Variants in DNMBP observed in about 807,000 individuals in gnomAD.
DNMBP encodes dynamin-binding protein.
Under a neutral mutation model 150.0 loss-of-function variants are expected in DNMBP, and 87 were observed. The observed-to-expected ratio is 0.58, with a 90% CI of 0.49 to 0.69. The LOEUF is 0.69. Ranked by LOEUF, DNMBP falls within the 30% of genes least tolerant of loss-of-function variation. The pLI, the probability that DNMBP is intolerant of heterozygous loss-of-function variation, is 0.00. For synonymous variants in DNMBP, 711 were observed against 750.4 expected (o/e 0.95, Z 0.86); for missense variants, 1,774 against 1,949.0 (o/e 0.91, Z 1.69).
At chr10:99,889,774 T>C (rs1056841956) in intron 11 of DNMBP, among the ~76,000 whole-genome samples, 1 of 152,106 alleles carries the variant, frequency 6.6e-6, no homozygotes, top group Non-Finnish European at 1.5e-5. Flanking sequence ...TTTTAATTCT[T>C]AAAAAACTGT....
intron 4 of DNMBP, among the ~76,000 whole-genome samples, chr10:99,915,698 G>T (rs2039958465): frequency 1.3e-5 from 2 of 152,170 alleles, no homozygotes; most frequent in Non-Finnish European, 2.9e-5. Context: ...CTGGACAACA[G>T]AGTGAGACCC....
chr10:99,957,269 A>T, intron 3 of DNMBP, 64 bp from the exon 4 acceptor site: 3 of 1,404,752 alleles, frequency 2.1e-6, no homozygotes, highest in Non-Finnish European at 2.9e-6. Context: ...TATCACGACT[A>T]ATAGTGCAAC....
intron 4 of DNMBP, among the ~76,000 whole-genome samples, chr10:99,938,755 T>C (rs2040261718): frequency 6.6e-6 from 1 of 152,122 alleles, no homozygotes. Context: ...CATTTTTGAG[T>C]AATAAATCTG....
chr10:99,906,932 AG>A (rs2039833434), intron 6 of DNMBP, among the ~76,000 whole-genome samples: 1 of 152,264 alleles, frequency 6.6e-6, no homozygotes. Flanking sequence ...TATAAGAACT[AG>A]ATGAATGTTT....
rs766722563 is a variant in DNMBP, at chr10:99,971,948, G to A, written c.145+32C>T. 3.8e-6 allele frequency: 6 copies of A among 1,597,734 alleles called. No homozygotes were observed. In the African/African-American group the frequency reaches 8.1e-5, roughly 22 times the overall value. ...TATTTTTAATATGGAAAGAAGTCAG[G>A]GCCTGTGGTCCACTATGAGTCTCTT... On this transcript the variant is annotated intron_variant, in intron 2 of 16. Transcript: ENST00000324109.
chr10:99,987,392 G>A (rs1462154547), intron 1 of DNMBP, among the ~76,000 whole-genome samples: 1 of 152,076 alleles, frequency 6.6e-6, no homozygotes, highest in African/African-American at 2.4e-5. Flanking sequence ...CCATGAATCT[G>A]GGGATAAAAC....
In DNMBP at chr10:99,956,946, T is replaced by A. The variant is rs138206627; in HGVS notation, c.528A>T (p.Gly176=). ...FREGDVITII[G]VPEPGWFEGE... ...CTTCAAACCAGCCTGGTTCAGGAAC[T>A]CCAATAATGGTGATCACATCCCCTT... is the stretch of plus-strand genomic sequence containing the variant. The change falls in exon 4 of 17, where the codon GGA becomes GGT. Residue 176 remains glycine (G), a synonymous_variant. Coordinates refer to ENST00000324109, the MANE Select transcript of DNMBP (RefSeq NM_015221.4). The A allele has an allele frequency of 3.1e-6, 5 of 1,614,182 alleles. No homozygotes were observed. In the South Asian group the frequency reaches 4.4e-5, roughly 14 times the overall value.
At chr10:99,919,462 C>T (rs914712045) in intron 4 of DNMBP, among the ~76,000 whole-genome samples, 1 of 152,172 alleles carries the variant, frequency 6.6e-6, no homozygotes, top group African/African-American at 2.4e-5. Flanking sequence ...CACCTTCCTC[C>T]CCAAAAATCA....
intron 1 of DNMBP, among the ~76,000 whole-genome samples, chr10:100,003,548 T>C (rs2041038428): frequency 6.6e-6 from 1 of 152,134 alleles, no homozygotes; most frequent in Non-Finnish European, 1.5e-5. Context: ...GAAAGACACA[T>C]TATATGCTCT....
intron 4 of DNMBP, among the ~76,000 whole-genome samples, chr10:99,909,486 A>G (rs1466458931): frequency 6.6e-6 from 1 of 152,230 alleles, no homozygotes; most frequent in African/African-American, 2.4e-5. Context: ...TTAATCAGAT[A>G]TAAAACATGG....
intron 11 of DNMBP, among the ~76,000 whole-genome samples, 188 bp downstream of exon 11, chr10:99,894,758 T>C (rs1247964486): frequency 1.3e-5 from 2 of 152,214 alleles, no homozygotes; most frequent in Non-Finnish European, 2.9e-5. Flanking sequence ...GAAATGAATG[T>C]GACAACATTG....
intron 1 of DNMBP, among the ~76,000 whole-genome samples, chr10:99,974,057 G>A (rs2040703999): frequency 6.6e-6 from 1 of 152,144 alleles, no homozygotes; most frequent in African/African-American, 2.4e-5. Flanking sequence ...GGGAGACTAA[G>A]GCTAGAGGAT....
chr10:99,936,162 T>C (rs1349793969), intron 4 of DNMBP, among the ~76,000 whole-genome samples: 3 of 151,962 alleles, frequency 2.0e-5, no homozygotes, highest in African/African-American at 7.3e-5. Context: ...ATAAAACAAT[T>C]GATGATAAAA....
At chr10:99,889,970 T>TGCTACTGATCATCACAACCTGGTTTCCC (rs2039532438) in intron 11 of DNMBP, among the ~76,000 whole-genome samples, 1 of 152,236 alleles carries the variant, frequency 6.6e-6, no homozygotes, top group Non-Finnish European at 1.5e-5. Context: ...TGCCCTGCCA[T>TGCTACTGATCATCACAACCTGGTTTCCC]GCTACTGATC....
At chr10:99,968,688 CAA>C (rs397755241) in intron 3 of DNMBP, among the ~76,000 whole-genome samples, 59 of 109,276 alleles carry the variant, frequency 5.4e-4, no homozygotes, top group Admixed American at 7.8e-4. Context: ...ACTACTGTCT[CAA>C]AAAAAAAAAA....
intron 1 of DNMBP, among the ~76,000 whole-genome samples, chr10:100,007,646 T>G (rs554618075): frequency 6.6e-6 from 1 of 152,166 alleles, no homozygotes; most frequent in East Asian, 1.9e-4. Context: ...AAATAATACA[T>G]TTTAGCTACT....
At chr10:99,958,564 G>A (rs1448671076) in intron 3 of DNMBP, among the ~76,000 whole-genome samples, 1 of 152,186 alleles carries the variant, frequency 6.6e-6, no homozygotes, top group Non-Finnish European at 1.5e-5. Flanking sequence ...AGTATTTGTT[G>A]CCAATGATAA....
intron 1 of DNMBP, among the ~76,000 whole-genome samples, chr10:99,976,006 T>G: frequency 6.6e-6 from 1 of 152,172 alleles, no homozygotes; most frequent in East Asian, 1.9e-4. Context: ...AGAGAGATGA[T>G]AGCTGTCCAA....
chr10:100,004,906 CA>C (rs2041052446), intron 1 of DNMBP, among the ~76,000 whole-genome samples: 1 of 152,142 alleles, frequency 6.6e-6, no homozygotes, highest in Admixed American at 6.6e-5. Context: ...ATTATAAAAT[CA>C]TTTCTGCAAG....
Sources: allele counts gnomAD v4.1 joint callset (sites outside exome capture counted in the v4.1 genomes callset), GRCh38; gene constraint gnomAD v4.1.1; transcripts MANE v1.5; gene names NCBI Gene and HGNC (gene_info 2026-07-23, HGNC 2026-07-21).